The following PTPRG variants were observed in gnomAD, a reference collection of about 807,000 sequenced individuals.
PTPRG encodes protein tyrosine phosphatase receptor type G.
PTPRG carries 102 observed loss-of-function variants against 165.3 expected under a neutral mutation model. The ratio of observed to expected loss-of-function variants is 0.62; its 90% CI spans 0.53 to 0.73. The LOEUF (loss-of-function observed/expected upper bound fraction) is 0.73, where lower values mean the gene tolerates loss of function less well. PTPRG is among the 30% of genes least tolerant of loss of function. PTPRG has a pLI of 0.00. For missense variants in PTPRG, 1,866 were observed against 1,861.4 expected, an observed-to-expected ratio of 1.00 and a Z score of -0.05; for synonymous variants, 675 against 669.5, an observed-to-expected ratio of 1.01 and a Z score of -0.13.
intron 5 of PTPRG, chr3:62,124,164 TGTC>T: frequency 1.4e-6 from 1 of 690,570 alleles, no homozygotes; most frequent in Non-Finnish European, 2.6e-6. Flanking sequence ...AATTTGTTGT[TGTC>T]GTTGTTGTGC....
chr3:61,977,907 A>T, intron 2 of PTPRG, among the ~76,000 whole-genome samples: 1 of 152,220 alleles, frequency 6.6e-6, no homozygotes, highest in East Asian at 1.9e-4. Flanking sequence ...TGTAATTTAG[A>T]GGTCTTTTAA....
intron 1 of PTPRG, among the ~76,000 whole-genome samples, chr3:61,616,130 T>G (rs1219538297): frequency 6.6e-6 from 1 of 152,156 alleles, no homozygotes; most frequent in Non-Finnish European, 1.5e-5. Context: ...TTTGTATCTT[T>G]AGTAGAGATG....
intron 6 of PTPRG, among the ~76,000 whole-genome samples, chr3:62,140,422 T>C (rs767088272): frequency 2.0e-5 from 3 of 152,224 alleles, no homozygotes; most frequent in African/African-American, 7.2e-5. Context: ...AATATTATGC[T>C]GCACTTACAA....
chr3:61,818,272 A>C (rs1258605551), intron 2 of PTPRG, among the ~76,000 whole-genome samples: 1 of 152,218 alleles, frequency 6.6e-6, no homozygotes, highest in African/African-American at 2.4e-5. Flanking sequence ...TAAGACTAAA[A>C]TATGAGAATG....
At chr3:62,204,252 T>C (rs975109228) in intron 12 of PTPRG, among the ~76,000 whole-genome samples, 1 of 152,212 alleles carries the variant, frequency 6.6e-6, no homozygotes, top group Non-Finnish European at 1.5e-5. Flanking sequence ...GCCATCGATC[T>C]TAAGAAGTTT....
chr3:62,022,555 C>T (rs1294152088), intron 4 of PTPRG, among the ~76,000 whole-genome samples: 3 of 152,126 alleles, frequency 2.0e-5, no homozygotes, highest in Non-Finnish European at 4.4e-5. Context: ...TCAGAACTGG[C>T]AGGGAACTGG....
At chr3:62,084,520 C>A (rs1385577968) in intron 5 of PTPRG, among the ~76,000 whole-genome samples, 1 of 152,180 alleles carries the variant, frequency 6.6e-6, no homozygotes, top group East Asian at 1.9e-4. Flanking sequence ...AAGTTGCGAA[C>A]CCATTCTTTA....
At chr3:61,949,496 A>G (rs1179097925) in intron 2 of PTPRG, among the ~76,000 whole-genome samples, 3 of 152,118 alleles carry the variant, frequency 2.0e-5, no homozygotes, top group Non-Finnish European at 2.9e-5. Context: ...AGCGTTTACT[A>G]TGTGCCACAT....
intron 4 of PTPRG, among the ~76,000 whole-genome samples, chr3:62,018,241 C>T (rs531959736): frequency 2.0e-5 from 3 of 152,106 alleles, no homozygotes; most frequent in Non-Finnish European, 4.4e-5. Flanking sequence ...TTTACATGTT[C>T]CAAAGCCAAA....
At chr3:62,015,506 CA>C (rs1050264927) in intron 4 of PTPRG, among the ~76,000 whole-genome samples, 1 of 152,154 alleles carries the variant, frequency 6.6e-6, no homozygotes, top group Admixed American at 6.5e-5. Context: ...TTATTTTAAA[CA>C]AAAAAAATTT....
rs1358236629 is a variant in PTPRG, at chr3:62,229,988, T to G, written c.2289-1237T>G. ...TTTTTATGAGAATTTGTAAAAACAT[T>G]CCAACACACTCATGATTTCTTCAGA... On this transcript the variant is annotated intron_variant, in intron 13 of 29. Transcript: ENST00000474889. This position sits in a 1 kb window ranked among gnomAD's most constrained non-coding sequence, Gnocchi z 4.6. Among the ~76,000 whole-genome samples the G allele has an allele frequency of 1.8e-4, 28 of 152,248 alleles. No individual in the cohort carries two copies. The highest frequency in any genetic ancestry group is 1.8e-3 in the Admixed American group (28 of 15,288).
intron 4 of PTPRG, among the ~76,000 whole-genome samples, chr3:62,046,997 A>C (rs1700314198): frequency 6.6e-6 from 1 of 152,194 alleles, no homozygotes; most frequent in Non-Finnish European, 1.5e-5. Flanking sequence ...GGAAGATACA[A>C]GTGGGGCTTA....
chr3:62,029,477 T>C (rs894670863), intron 4 of PTPRG, among the ~76,000 whole-genome samples: 3 of 151,980 alleles, frequency 2.0e-5, no homozygotes, highest in African/African-American at 4.8e-5. Flanking sequence ...ACACTAGATA[T>C]TATTTATGAA....
At chr3:62,140,772 G>A (rs1291508263) in intron 6 of PTPRG, among the ~76,000 whole-genome samples, 2 of 151,248 alleles carry the variant, frequency 1.3e-5, no homozygotes, top group South Asian at 2.1e-4. Flanking sequence ...ACTTGAACCC[G>A]GGAGGTGGAG....
rs879306416 is a variant in PTPRG, at chr3:62,252,797, G to C, written c.2468-2327G>C. ...CTCAGCTATTTATCTTGATTGCAGGGCAAATGCTGTATTATCTGGGTAGCT... is the reference window on the plus strand; with the variant it reads ...CTCAGCTATTTATCTTGATTGCAGGCCAAATGCTGTATTATCTGGGTAGCT... On this transcript the variant is annotated intron_variant, in intron 15 of 29. Transcript: ENST00000474889. This position sits in a 1 kb window ranked among gnomAD's most constrained non-coding sequence, Gnocchi z 4.6. Among the ~76,000 whole-genome samples the C allele has an allele frequency of 6.6e-6, 1 of 152,132 alleles. No individual in the cohort carries two copies. The highest frequency in any genetic ancestry group is 1.5e-5 in the Non-Finnish European group (1 of 68,020).
chr3:61,932,338 T>C (rs2039382256), intron 2 of PTPRG, among the ~76,000 whole-genome samples: 1 of 152,248 alleles, frequency 6.6e-6, no homozygotes, highest in Non-Finnish European at 1.5e-5. Context: ...AAATTCCATT[T>C]CATTTCTGTT....
intron 2 of PTPRG, among the ~76,000 whole-genome samples, chr3:61,867,019 A>G (rs951677444): frequency 2.0e-5 from 3 of 152,178 alleles, no homozygotes; most frequent in Admixed American, 1.3e-4. Flanking sequence ...TTGGCGGGGT[A>G]GAACATCATC....
At chr3:61,894,743 G>C (rs2038305922) in intron 2 of PTPRG, among the ~76,000 whole-genome samples, 1 of 152,138 alleles carries the variant, frequency 6.6e-6, no homozygotes, top group Non-Finnish European at 1.5e-5. Flanking sequence ...CTTCTTCCTT[G>C]GGATGAATCA....
chr3:61,573,393 T>G (rs1007181790), intron 1 of PTPRG, among the ~76,000 whole-genome samples: 1 of 152,226 alleles, frequency 6.6e-6, no homozygotes, highest in Non-Finnish European at 1.5e-5. Context: ...TTTTTGCACA[T>G]GGATTTCCAA....
Sources: allele counts gnomAD v4.1 joint callset (sites outside exome capture counted in the v4.1 genomes callset), GRCh38; gene constraint gnomAD v4.1.1; non-coding constraint Gnocchi (gnomAD v3.1); transcripts MANE v1.5; gene names NCBI Gene and HGNC (gene_info 2026-07-23, HGNC 2026-07-21).